Variants in FGF12 observed in about 807,000 individuals in gnomAD.
FGF12 encodes fibroblast growth factor 12.
A neutral mutation model predicts 23.6 loss-of-function variants in FGF12; 14 were observed. The observed-to-expected ratio is 0.59, with a 90% CI of 0.39 to 0.93. FGF12 has a LOEUF of 0.93. Among genes scored for constraint, FGF12 ranks in the 40% least tolerant of loss-of-function variants. The pLI is 0.00. For synonymous variants in FGF12, 62 were observed against 77.3 expected, an observed-to-expected ratio of 0.80 and a Z score of 1.04; for missense variants, 175 against 217.8, an observed-to-expected ratio of 0.80 and a Z score of 1.24.
chr3:192,720,719 C>T (rs1419065145), intron 2 of FGF12, among the ~76,000 whole-genome samples: 1 of 152,094 alleles, frequency 6.6e-6, no homozygotes, highest in Non-Finnish European at 1.5e-5. Flanking sequence ...AAAGACAAGG[C>T]CCAGGCAGTA....
At chr3:192,531,210 T>C (rs1316811878) in intron 2 of FGF12, among the ~76,000 whole-genome samples, 4 of 152,170 alleles carry the variant, frequency 2.6e-5, no homozygotes, top group African/African-American at 4.8e-5. Context: ...TTCTTTCCTG[T>C]TTTCATTTCA....
At chr3:192,195,424 C>T (rs1216279212) in intron 4 of FGF12, among the ~76,000 whole-genome samples, 1 of 152,152 alleles carries the variant, frequency 6.6e-6, no homozygotes, top group African/African-American at 2.4e-5. Flanking sequence ...GTCCCATAAG[C>T]TTGTAACACT....
chr3:192,185,789 G>A (rs1487643190), intron 4 of FGF12, among the ~76,000 whole-genome samples: 2 of 151,888 alleles, frequency 1.3e-5, no homozygotes, highest in Non-Finnish European at 2.9e-5. Flanking sequence ...AACCCAGGAG[G>A]CGGAGGTGGC....
Position 192,526,411 on chromosome 3 carries a change from C to G in FGF12, c.14-165873G>C, listed in dbSNP as rs114726204. ...GGAGAAGTACATGATTTTATGGTGT[C>G]TAAAGAGGTGGTAGAAGTGTTGATT... is the stretch of plus-strand genomic sequence containing the variant. On this transcript the variant is annotated intron_variant, in intron 2 of 5. Transcript: ENST00000445105. 4.2e-3 allele frequency among the ~76,000 whole-genome samples: 640 copies of G among 152,220 alleles called. 1 individual carries two copies. The highest frequency in any genetic ancestry group is 6.2e-3 in the Non-Finnish European group (425 of 68,002).
At chr3:192,343,487 G>T (rs2108711616) in intron 3 of FGF12, among the ~76,000 whole-genome samples, 2 of 152,000 alleles carry the variant, frequency 1.3e-5, no homozygotes, top group Non-Finnish European at 2.9e-5. Context: ...ATATTTGCAG[G>T]CCACTCAATT....
chr3:192,173,733 T>A (rs1258748407), intron 4 of FGF12, among the ~76,000 whole-genome samples: 1 of 152,196 alleles, frequency 6.6e-6, no homozygotes, highest in East Asian at 1.9e-4. Context: ...ATTCAATGTA[T>A]AAGATTTCAG....
intron 4 of FGF12, among the ~76,000 whole-genome samples, chr3:192,206,054 A>G (rs114264461): frequency 0.013 from 1,932 of 152,318 alleles, 48 homozygotes; most frequent in African/African-American, 0.043. Flanking sequence ...AACCATGCAT[A>G]TTGCTAATAT....
chr3:192,284,893 T>C (rs1714359222), intron 4 of FGF12, among the ~76,000 whole-genome samples: 4 of 151,994 alleles, frequency 2.6e-5, no homozygotes, highest in Non-Finnish European at 5.9e-5. Context: ...CAGCAAGCAC[T>C]AGGCTCTTAT....
chr3:192,171,648 T>G (rs1222745399), intron 4 of FGF12, among the ~76,000 whole-genome samples: 2 of 152,242 alleles, frequency 1.3e-5, no homozygotes, highest in African/African-American at 4.8e-5. Context: ...TTGCATCTTC[T>G]TCAGCTGCAA....
intron 2 of FGF12, among the ~76,000 whole-genome samples, chr3:192,500,118 C>T (rs1043947684): frequency 1.4e-4 from 22 of 152,136 alleles, no homozygotes; most frequent in Admixed American, 3.9e-4. Context: ...AGACAGCTGG[C>T]TATTTTTGGA....
At chr3:192,494,859 T>A (rs890877651) in intron 2 of FGF12, among the ~76,000 whole-genome samples, 2 of 130,500 alleles carry the variant, frequency 1.5e-5, no homozygotes, top group East Asian at 2.3e-4. Flanking sequence ...TATATATATA[T>A]AAAATACATT....
At chr3:192,711,295 G>GC (rs1482688020) in intron 2 of FGF12, among the ~76,000 whole-genome samples, 1 of 124,648 alleles carries the variant, frequency 8.0e-6, no homozygotes, top group Non-Finnish European at 1.6e-5. Flanking sequence ...GTGGGGGGCA[G>GC]CCCCCACCCA....
At chr3:192,150,397 A>G (rs2108585774) in intron 5 of FGF12, among the ~76,000 whole-genome samples, 1 of 81,278 alleles carries the variant, frequency 1.2e-5, no homozygotes, top group Non-Finnish European at 2.5e-5. Context: ...GCCCATGCCT[A>G]TGTCCTGAAT....
intron 4 of FGF12, among the ~76,000 whole-genome samples, chr3:192,308,230 A>G (rs1715752854): frequency 2.6e-5 from 4 of 152,228 alleles, no homozygotes; most frequent in Admixed American, 2.6e-4. Context: ...ATGTGGAAAT[A>G]ACCAGAACCC....
Position 192,360,836 on chromosome 3 carries a change from C to T in FGF12, c.14-298G>A. 2.8e-6 allele frequency: 1 copy of T among 360,272 alleles called. No homozygotes were observed. Among genetic ancestry groups the T allele is most frequent in the South Asian group, 3.1e-5 (1 of 32,660 alleles). The allele number at this position is 360,272 out of a possible 1,614,324, so 22.3% of individuals were successfully genotyped here. ...TTTTCCTCCTTTGTGCATCTGGTGTCTGACTGCAAGATTTCACCAACTTTA... is the reference window on the plus strand; with the variant it reads ...TTTTCCTCCTTTGTGCATCTGGTGTTTGACTGCAAGATTTCACCAACTTTA... On this transcript the variant is annotated intron_variant, in intron 2 of 5. Coordinates refer to ENST00000445105, the MANE Select transcript of FGF12 (RefSeq NM_004113.6). The surrounding 1 kb of genome is among the most constrained non-coding windows in gnomAD (Gnocchi z 4.3).
At chr3:192,406,262 G>A (rs1720952337) in intron 2 of FGF12, among the ~76,000 whole-genome samples, 1 of 151,698 alleles carries the variant, frequency 6.6e-6, no homozygotes, top group African/African-American at 2.4e-5. Context: ...ATCAGGATCA[G>A]TTTATGTTAC....
chr3:192,607,499 T>C (rs1216225530), intron 2 of FGF12, among the ~76,000 whole-genome samples: 1 of 152,150 alleles, frequency 6.6e-6, no homozygotes, highest in Non-Finnish European at 1.5e-5. Context: ...GTTTCTTTAT[T>C]ACATGCTGAT....
chr3:192,352,191 A>G (rs1176022276), intron 3 of FGF12, among the ~76,000 whole-genome samples: 1 of 151,818 alleles, frequency 6.6e-6, no homozygotes, highest in Non-Finnish European at 1.5e-5. Flanking sequence ...GTGTCTACAG[A>G]CCTCTGCTTT....
At chr3:192,254,399 A>G (rs1292301364) in intron 4 of FGF12, among the ~76,000 whole-genome samples, 1 of 151,832 alleles carries the variant, frequency 6.6e-6, no homozygotes, top group African/African-American at 2.4e-5. Context: ...TATATACTAC[A>G]TTTTCTGTTT....
Sources: gnomAD v4.1 joint callset for allele counts (sites outside exome capture counted in the v4.1 genomes callset) on GRCh38, gnomAD v4.1.1 for gene constraint, Gnocchi (gnomAD v3.1) non-coding constraint, MANE v1.5 for transcripts, NCBI Gene and HGNC (gene_info 2026-07-23, HGNC 2026-07-21) for gene names.